Variants in XKR4 observed in about 807,000 individuals in gnomAD.
The protein encoded by XKR4 is XK-related protein 4.
XKR4 carries 12 observed loss-of-function variants against 53.9 expected under a neutral mutation model. That is an observed-to-expected ratio of 0.22 (90% CI 0.14 to 0.36). The LOEUF is 0.36. XKR4 is among the 10% of genes least tolerant of loss of function. The probability of loss-of-function intolerance (pLI) is 1.00; values close to 1 mark genes in which losing one functional copy is unlikely to be tolerated. For missense variants in XKR4, 799 were observed against 859.5 expected, an observed-to-expected ratio of 0.93 and a Z score of 0.88; for synonymous variants, 354 against 362.4, an observed-to-expected ratio of 0.98 and a Z score of 0.26.
At chr8:55,311,262 A>AT in intron 1 of XKR4, among the ~76,000 whole-genome samples, 1 of 152,354 alleles carries the variant, frequency 6.6e-6, no homozygotes, top group Admixed American at 6.5e-5. Flanking sequence ...TCACAGTGTC[A>AT]TGGGGAAACA....
chr8:55,486,803 T>G (rs1432253209), intron 2 of XKR4, among the ~76,000 whole-genome samples: 1 of 152,212 alleles, frequency 6.6e-6, no homozygotes, highest in Non-Finnish European at 1.5e-5. Context: ...TTTTAAACTT[T>G]TATCTTTCAC....
At position 55,518,947 on chromosome 8, in the gene XKR4, C is replaced by T. The variant is rs190868205; in HGVS notation, c.1007-4334C>T. On this transcript the variant is annotated intron_variant, in intron 2 of 2. Coordinates refer to ENST00000327381, the MANE Select transcript of XKR4 (RefSeq NM_052898.2). ...ATGGTGTTTCTTGGGTTAAAGGAGG[C>T]TTGTTACATGTTTGTAAGATCTGGG... 3.9e-5 allele frequency among the ~76,000 whole-genome samples: 6 copies of T among 152,244 alleles called. No individual in the cohort carries two copies. The East Asian group carries it at 1.2e-3, about 29-fold the overall frequency.
chr8:55,475,873 T>G (rs1015884145), intron 2 of XKR4, among the ~76,000 whole-genome samples: 2 of 151,994 alleles, frequency 1.3e-5, no homozygotes, highest in Admixed American at 6.6e-5. Context: ...AGTGCTGGGA[T>G]TACAGGCATG....
intron 2 of XKR4, among the ~76,000 whole-genome samples, chr8:55,432,006 AC>A (rs1259031701): frequency 4.6e-5 from 7 of 152,168 alleles, no homozygotes; most frequent in Non-Finnish European, 8.8e-5. Flanking sequence ...GGAAAAGCAA[AC>A]CCATTGATAG....
Position 55,421,111 on chromosome 8 carries a change from T to G in XKR4, c.1006+63234T>G, listed in dbSNP as rs550129957. On this transcript the variant is annotated intron_variant, in intron 2 of 2. Coordinates refer to ENST00000327381, the MANE Select transcript of XKR4 (RefSeq NM_052898.2). ...GACAGAATTGAATTCAAGCCCTTGC[T>G]TTATTTCTCTCTTCTAATAATAATA... is the stretch of plus-strand genomic sequence containing the variant. Among the ~76,000 whole-genome samples, 6 of 152,356 alleles carry G rather than the reference T, an allele frequency of 3.9e-5. No individual in the cohort carries two copies. The South Asian group carries it at 1.2e-3, about 32-fold the overall frequency.
intron 1 of XKR4, among the ~76,000 whole-genome samples, chr8:55,283,255 G>T (rs1818864319): frequency 6.6e-6 from 1 of 152,166 alleles, no homozygotes; most frequent in Non-Finnish European, 1.5e-5. Flanking sequence ...TGCCTGGCAT[G>T]GTGCTAAGTG....
At position 55,527,463 on chromosome 8, in the gene XKR4, T is replaced by TG. The variant is rs1806894609; in HGVS notation, c.*3237dup. Reference sequence around the variant, plus strand: ...TTGTAATTTGTTTTACTTTTAAACTTGCATTTCTAAATATGAAACCATGTT... The same window carrying TG: ...TTGTAATTTGTTTTACTTTTAAACTTGGCATTTCTAAATATGAAACCATGTT... On this transcript the variant is annotated 3_prime_UTR_variant, in exon 3 of 3. Transcript: ENST00000327381. 2.0e-5 allele frequency: 3 copies of TG among 152,206 alleles called. No homozygotes were observed. The highest frequency in any genetic ancestry group is 1.3e-4 in the Admixed American group (2 of 15,282). The allele number at this position is 152,206 out of a possible 1,614,324, so 9.4% of individuals were successfully genotyped here. A position where few individuals can be genotyped will look rare whatever the true frequency, so the allele number is the denominator to read the frequency against.
chr8:55,369,854 A>G (rs1784386063), intron 2 of XKR4, among the ~76,000 whole-genome samples: 1 of 152,140 alleles, frequency 6.6e-6, no homozygotes, highest in Admixed American at 6.5e-5. Context: ...ACCATAAGTT[A>G]TTATATATAT....
intron 2 of XKR4, among the ~76,000 whole-genome samples, chr8:55,403,197 T>C (rs568325026): frequency 2.0e-5 from 3 of 152,362 alleles, no homozygotes; most frequent in African/African-American, 7.2e-5. Flanking sequence ...AAATGGTATG[T>C]CATATCAGCT....
In XKR4 at chr8:55,375,546, G is replaced by A. The variant is rs565157341; in HGVS notation, c.1006+17669G>A. On this transcript the variant is annotated intron_variant, in intron 2 of 2. Coordinates refer to ENST00000327381, the MANE Select transcript of XKR4 (RefSeq NM_052898.2). ...GAGCTGACTGCACCTGCTGGCTCCT[G>A]TCCTCTCACCCAGGCTGCCCCCAAG... 2.5e-4 allele frequency among the ~76,000 whole-genome samples: 38 copies of A among 152,206 alleles called. No individual in the cohort carries two copies. The Middle Eastern group carries it at 0.01, about 41-fold the overall frequency.
At chr8:55,145,586 G>A (rs779752990) in intron 1 of XKR4, among the ~76,000 whole-genome samples, 8 of 152,118 alleles carry the variant, frequency 5.3e-5, no homozygotes, top group Admixed American at 1.3e-4. Context: ...CATCTACAGC[G>A]CATCAAAATG....
chr8:55,352,598 A>T (rs1171622621), intron 1 of XKR4, among the ~76,000 whole-genome samples: 3 of 152,212 alleles, frequency 2.0e-5, no homozygotes, highest in Non-Finnish European at 4.4e-5. Flanking sequence ...AATAAATAGT[A>T]AGAACTAGCA....
chr8:55,507,501 CT>C (rs1189129951), intron 2 of XKR4, among the ~76,000 whole-genome samples: 51 of 152,242 alleles, frequency 3.3e-4, no homozygotes, highest in African/African-American at 1.2e-3. Context: ...TCCCTAACCC[CT>C]CCCCGCACCC....
At position 55,533,381 on chromosome 8, in the gene XKR4, T is replaced by C. The variant is rs1204681168; in HGVS notation, c.*9154T>C. On this transcript the variant is annotated 3_prime_UTR_variant, in exon 3 of 3. Coordinates refer to ENST00000327381, the MANE Select transcript of XKR4 (RefSeq NM_052898.2). Reference sequence around the variant, plus strand: ...AAAGAATTGTCATTTTATATCATTCTTTCAAAAAATTAAAATATTCAACTT... The same window carrying C: ...AAAGAATTGTCATTTTATATCATTCCTTCAAAAAATTAAAATATTCAACTT... The C allele has an allele frequency of 6.6e-6, 1 of 152,248 alleles. No individual in the cohort carries two copies. The highest frequency in any genetic ancestry group is 1.5e-5 in the Non-Finnish European group (1 of 68,046). The allele number at this position is 152,248 out of a possible 1,614,324, so 9.4% of individuals were successfully genotyped here.
chr8:55,212,000 C>A (rs1817737976), intron 1 of XKR4, among the ~76,000 whole-genome samples: 1 of 151,884 alleles, frequency 6.6e-6, no homozygotes, highest in Admixed American at 6.6e-5. Flanking sequence ...TGGTGGAGGC[C>A]CCAAGGGGGT....
At chr8:55,449,674 C>T (rs1435794237) in intron 2 of XKR4, 16 of 870,876 alleles carry the variant, frequency 1.8e-5, no homozygotes, top group South Asian at 1.6e-4. Flanking sequence ...GTGCCACAGC[C>T]TCCACCTCCA....
At chr8:55,444,698 A>G (rs906639189) in intron 2 of XKR4, among the ~76,000 whole-genome samples, 2 of 152,250 alleles carry the variant, frequency 1.3e-5, no homozygotes, top group South Asian at 4.1e-4. Flanking sequence ...GAGTAGTGAC[A>G]GGGACTCTTG....
chr8:55,110,772 ATATACT>A (rs933294152), intron 1 of XKR4, among the ~76,000 whole-genome samples: 4 of 152,160 alleles, frequency 2.6e-5, no homozygotes, highest in African/African-American at 9.7e-5. Context: ...CTATCTGAAA[ATATACT>A]TATATATGGA....
chr8:55,107,521 T>C (rs1386211344), intron 1 of XKR4, among the ~76,000 whole-genome samples: 1 of 152,174 alleles, frequency 6.6e-6, no homozygotes, highest in African/African-American at 2.4e-5. Context: ...GACTTGAGCT[T>C]AGCTCTTTGA....
Sources: gnomAD v4.1 joint callset for allele counts (sites outside exome capture counted in the v4.1 genomes callset) on GRCh38, gnomAD v4.1.1 for gene constraint, MANE v1.5 for transcripts, NCBI Gene and HGNC (gene_info 2026-07-23, HGNC 2026-07-21) for gene names.